GHR: variants seen among roughly 807,000 people sequenced by gnomAD.
GHR encodes the protein GH receptor.
Under a neutral mutation model 67.1 loss-of-function variants are expected in GHR, and 35 were observed. The observed-to-expected ratio is 0.52, with a 90% CI of 0.40 to 0.69. The LOEUF is 0.69. GHR is among the 30% of genes least tolerant of loss of function. The pLI, the probability that GHR is intolerant of heterozygous loss-of-function variation, is 0.00. For synonymous variants in GHR, 272 were observed against 269.1 expected, an observed-to-expected ratio of 1.01 and a Z score of -0.10; for missense variants, 792 against 764.6, an observed-to-expected ratio of 1.04 and a Z score of -0.42.
chr5:42,642,891 A>G (rs59621470), intron 3 of GHR, among the ~76,000 whole-genome samples: 2,339 of 152,238 alleles, frequency 0.015, 20 homozygotes, highest in Middle Eastern at 0.041. Flanking sequence ...TTGCAGAAAC[A>G]TCATTCCAAT....
intron 1 of GHR, among the ~76,000 whole-genome samples, chr5:42,476,675 A>T (rs1199201796): frequency 6.6e-6 from 1 of 152,180 alleles, no homozygotes; most frequent in African/African-American, 2.4e-5. Context: ...GCCTTTTTCT[A>T]AAGTTCCTTT....
rs1215264033 is a variant in GHR at position 42,628,893 on chromosome 5, G to A, written c.71-145G>A. ...CAACCTGCCTTCCCATTGTGGCCAG[G>A]AACCTTTCTCTGGAGTCCCCTTGGC... On this transcript the variant is annotated intron_variant, in intron 2 of 9. Transcript: ENST00000230882. The A allele has an allele frequency of 2.8e-5, 18 of 634,822 alleles. 3 individuals are homozygous for A. Among genetic ancestry groups the A allele is most frequent in the Non-Finnish European group, 5.2e-5 (18 of 346,076 alleles). The allele number at this position is 634,822 out of a possible 1,614,324, so 39.3% of individuals were successfully genotyped here.
chr5:42,702,044 T>G (rs569682482), intron 6 of GHR, among the ~76,000 whole-genome samples: 6 of 152,274 alleles, frequency 3.9e-5, no homozygotes, highest in African/African-American at 1.2e-4. Flanking sequence ...TTACCACACA[T>G]ACCTTTTTTT....
intron 2 of GHR, among the ~76,000 whole-genome samples, chr5:42,614,833 C>T (rs1286780368): frequency 6.6e-6 from 1 of 151,878 alleles, no homozygotes; most frequent in Non-Finnish European, 1.5e-5. Context: ...CAGAATTTTT[C>T]TTCCTAGGTT....
intron 6 of GHR, among the ~76,000 whole-genome samples, chr5:42,704,223 A>G (rs1758067245): frequency 6.6e-6 from 1 of 151,970 alleles, no homozygotes; most frequent in Admixed American, 6.6e-5. Context: ...GTGTTGAAAT[A>G]CATTCCTTCT....
In GHR at chr5:42,706,337, G is replaced by A. The variant is rs147286425; in HGVS notation, c.619-4870G>A. Among the ~76,000 whole-genome samples, 155 of 152,174 alleles carry A rather than the reference G, an allele frequency of 1.0e-3. 1 individual carries two copies. The highest frequency in any genetic ancestry group is 5.9e-3 in the Admixed American group (90 of 15,276). On this transcript the variant is annotated intron_variant, in intron 6 of 9. Transcript: ENST00000230882. ...GTTTGCAAATATTTTCAGCCATTCT[G>A]TAGATTATCTGTTTTTTCAGTTGTT...
chr5:42,533,225 A>G (rs1459516354), intron 1 of GHR, among the ~76,000 whole-genome samples: 1 of 152,040 alleles, frequency 6.6e-6, no homozygotes, highest in Non-Finnish European at 1.5e-5. Flanking sequence ...ATTTCCTCTC[A>G]TCTGAATTGC....
In GHR at chr5:42,661,273, G is replaced by T. The variant is rs544232764; in HGVS notation, c.137-27617G>T. Among the ~76,000 whole-genome samples, 5 of 152,258 alleles carry T rather than the reference G, an allele frequency of 3.3e-5. No homozygotes were observed. In the East Asian group the frequency reaches 7.7e-4, roughly 23 times the overall value. ...AAAGAACGCCACAAAGATATTCCTC[G>T]AGAAGAGCAGCTCCAAGACACATAA... On this transcript the variant is annotated intron_variant, in intron 3 of 9. Transcript: ENST00000230882.
At position 42,713,774 on chromosome 5, in the gene GHR, A is replaced by G. The variant is rs1464392185; in HGVS notation, c.875+255A>G. 5 of 410,156 alleles carry G rather than the reference A, an allele frequency of 1.2e-5. No individual in the cohort carries two copies. In the East Asian group the frequency reaches 2.0e-4, roughly 16 times the overall value. 25.4% of individuals were successfully genotyped at this position (410,156 alleles called of 1,614,324 possible). ...CATTAAGAGGCTTAGGCTGGTGACT[A>G]TGCATACCTTGTGATATGTACCTCT... On this transcript the variant is annotated intron_variant, in intron 8 of 9. Coordinates refer to ENST00000230882, the MANE Select transcript of GHR (RefSeq NM_000163.5).
intron 1 of GHR, among the ~76,000 whole-genome samples, chr5:42,429,388 T>G (rs1447216488): frequency 1.3e-5 from 2 of 152,150 alleles, no homozygotes; most frequent in Admixed American, 6.5e-5. Context: ...GAAATTGGGG[T>G]GGGGACACAG....
chr5:42,508,909 A>C (rs1386121444), intron 1 of GHR, among the ~76,000 whole-genome samples: 1 of 152,214 alleles, frequency 6.6e-6, no homozygotes, highest in African/African-American at 2.4e-5. Flanking sequence ...TGTTTCACCA[A>C]TTTAAAAGAA....
chr5:42,509,649 A>G (rs1387181139), intron 1 of GHR, among the ~76,000 whole-genome samples: 1 of 151,328 alleles, frequency 6.6e-6, no homozygotes. Context: ...CCTTTCTTGC[A>G]TTATTTATTT....
chr5:42,466,839 A>T, intron 1 of GHR: 1 of 1,287,866 alleles, frequency 7.8e-7, no homozygotes, highest in Non-Finnish European at 1.0e-6. Flanking sequence ...CTCATTTGGG[A>T]GGCAGAAGGT....
At chr5:42,684,422 G>A (rs1429490557) in intron 3 of GHR, among the ~76,000 whole-genome samples, 1 of 152,202 alleles carries the variant, frequency 6.6e-6, no homozygotes, top group Non-Finnish European at 1.5e-5. Flanking sequence ...CATTAAAACA[G>A]TTGTGGTTTA....
At chr5:42,606,473 T>C (rs1231381198) in intron 2 of GHR, among the ~76,000 whole-genome samples, 2 of 152,086 alleles carry the variant, frequency 1.3e-5, no homozygotes, top group African/African-American at 4.8e-5. Context: ...AGTTGGCATG[T>C]AGAAATCACA....
At chr5:42,703,212 C>T (rs1190758278) in intron 6 of GHR, among the ~76,000 whole-genome samples, 1 of 151,864 alleles carries the variant, frequency 6.6e-6, no homozygotes. Context: ...AGTCTTTAAT[C>T]GATTTTGAGT....
At position 42,579,197 on chromosome 5, in the gene GHR, T is replaced by C. The variant is rs79828551; in HGVS notation, c.70+13253T>C. Among the ~76,000 whole-genome samples the C allele has an allele frequency of 6.5e-4, 95 of 145,670 alleles. 1 individual carries two copies. The highest frequency in any genetic ancestry group is 7.6e-4 in the Non-Finnish European group (50 of 65,716). On this transcript the variant is annotated intron_variant, in intron 2 of 9. Transcript: ENST00000230882. The stretch of plus-strand genomic sequence containing the variant: ...ATAGATAGATAGATAGATAGATAGA[T>C]AGACAGATAGATAGATATAATTCTG...
intron 3 of GHR, among the ~76,000 whole-genome samples, chr5:42,664,173 G>T (rs1287399453): frequency 6.6e-6 from 1 of 152,106 alleles, no homozygotes; most frequent in Non-Finnish European, 1.5e-5. Flanking sequence ...ACTGTCCAAG[G>T]TAATTTATAG....
At chr5:42,716,811 A>G (rs1280928482) in intron 8 of GHR, among the ~76,000 whole-genome samples, 1 of 152,232 alleles carries the variant, frequency 6.6e-6, no homozygotes, top group African/African-American at 2.4e-5. Context: ...GCAAGTGGAA[A>G]TACTGAGAAA....
Sources: gnomAD v4.1 joint callset for allele counts (sites outside exome capture counted in the v4.1 genomes callset) on GRCh38, gnomAD v4.1.1 for gene constraint, MANE v1.5 for transcripts, NCBI Gene and HGNC (gene_info 2026-07-23, HGNC 2026-07-21) for gene names.